The following GRHL2 variants were observed in gnomAD, a reference collection of about 807,000 sequenced individuals.
GRHL2 encodes the protein grainyhead like transcription factor 2.
In GRHL2, 21 loss-of-function variants were observed where a neutral mutation model predicts 83.8. The ratio of observed to expected loss-of-function variants is 0.25; its 90% CI spans 0.18 to 0.36. GRHL2 has a LOEUF of 0.36. GRHL2 is among the 10% of genes least tolerant of loss of function. The pLI is 1.00. For synonymous variants in GRHL2, 280 were observed against 278.9 expected (o/e 1.00, Z -0.04); for missense variants, 623 against 781.8 (o/e 0.80, Z 2.42).
intron 14 of GRHL2, among the ~76,000 whole-genome samples, chr8:101,652,310 G>C (rs1431780453): frequency 7.0e-6 from 1 of 141,940 alleles, no homozygotes; most frequent in African/African-American, 2.8e-5. Context: ...TATATTGGTA[G>C]TGTGTGTGCG....
intron 1 of GRHL2, among the ~76,000 whole-genome samples, chr8:101,500,517 TA>T (rs1431849491): frequency 6.6e-6 from 1 of 152,194 alleles, no homozygotes; most frequent in Non-Finnish European, 1.5e-5. Context: ...TGTATATATA[TA>T]TTTTTTTGAG....
intron 11 of GRHL2, among the ~76,000 whole-genome samples, chr8:101,633,491 C>G (rs1247165314): frequency 1.3e-5 from 2 of 152,142 alleles, no homozygotes; most frequent in Non-Finnish European, 2.9e-5. Context: ...ATTTTGTCCC[C>G]TAGTATTCTG....
intron 1 of GRHL2, among the ~76,000 whole-genome samples, chr8:101,515,760 C>G (rs1266600577): frequency 6.6e-6 from 1 of 152,168 alleles, no homozygotes; most frequent in Non-Finnish European, 1.5e-5. Flanking sequence ...CCATTACAAA[C>G]TCCTCCTGTC....
At chr8:101,520,447 A>G (rs1396172367) in intron 1 of GRHL2, among the ~76,000 whole-genome samples, 1 of 152,202 alleles carries the variant, frequency 6.6e-6, no homozygotes. Context: ...CTCATTATGC[A>G]GAAAGTAATC....
Position 101,666,572 on chromosome 8 carries a change from T to TC in GRHL2, c.1764-11dup, listed in dbSNP as rs768144489. 1 of 1,490,452 alleles carries TC rather than the reference T, an allele frequency of 6.7e-7. No homozygotes were observed. Among genetic ancestry groups the TC allele is most frequent in the Admixed American group, 1.7e-5 (1 of 59,750 alleles). The allele number at this position is 1,490,452 out of a possible 1,614,324, so 92.3% of individuals were successfully genotyped here. A position where few individuals can be genotyped will look rare whatever the true frequency, so the allele number is the denominator to read the frequency against. ...ACGGCGTCTTTGTTTTTCACACCCC[T>TC]CCCCCCTCCATGGCAGCATCTTGGT... On this transcript the variant is annotated splice_polypyrimidine_tract_variant and intron_variant, in intron 15 of 15. Transcript: ENST00000646743.
At chr8:101,625,391 A>T (rs1391840736) in intron 9 of GRHL2, among the ~76,000 whole-genome samples, 2 of 152,010 alleles carry the variant, frequency 1.3e-5, no homozygotes, top group African/African-American at 2.4e-5. Flanking sequence ...TATACAGAGG[A>T]TGTTATATTG....
the GRHL2 span, among the ~76,000 whole-genome samples, chr8:101,675,614 C>T: frequency 5.2e-3 from 796 of 152,150 alleles, 7 homozygotes; most frequent in African/African-American, 0.018. Context: ...GAATCAATAT[C>T]GTGAAAATGG....
chr8:101,498,166 C>T (rs536575453), intron 1 of GRHL2, among the ~76,000 whole-genome samples: 3 of 152,198 alleles, frequency 2.0e-5, no homozygotes, highest in East Asian at 1.9e-4. Context: ...TTGCCCAGGC[C>T]GGAGTGCACT....
chr8:101,647,031 A>G (rs1417630657), intron 13 of GRHL2, among the ~76,000 whole-genome samples: 2 of 152,236 alleles, frequency 1.3e-5, no homozygotes, highest in East Asian at 1.9e-4. Flanking sequence ...ATCATTTCAA[A>G]GACCACGATT....
chr8:101,640,893 C>T (rs890431610), intron 12 of GRHL2, among the ~76,000 whole-genome samples: 8 of 152,202 alleles, frequency 5.3e-5, no homozygotes, highest in Non-Finnish European at 7.3e-5. Context: ...TAAAGGCACA[C>T]CACATACCAT....
At chr8:101,594,650 T>C (rs1812355355) in intron 7 of GRHL2, among the ~76,000 whole-genome samples, 1 of 152,226 alleles carries the variant, frequency 6.6e-6, no homozygotes, top group Admixed American at 6.5e-5. Context: ...CTGTGGAGAC[T>C]GAACACAAAG....
At chr8:101,659,932 G>A (rs1216269471) in intron 14 of GRHL2, among the ~76,000 whole-genome samples, 1 of 152,076 alleles carries the variant, frequency 6.6e-6, no homozygotes, top group Non-Finnish European at 1.5e-5. Context: ...CTAAAGAGAT[G>A]GTGAGCTGCT....
At chr8:101,570,906 C>G (rs950849579) in intron 5 of GRHL2, among the ~76,000 whole-genome samples, 1 of 152,240 alleles carries the variant, frequency 6.6e-6, no homozygotes, top group African/African-American at 2.4e-5. Flanking sequence ...CCCTTGTCAA[C>G]TTTCTCCTGA....
intron 4 of GRHL2, 117 bp from the exon 5 acceptor site, chr8:101,570,222 A>G (rs1811794313): frequency 1.1e-6 from 1 of 886,440 alleles, no homozygotes; most frequent in South Asian, 1.4e-5. Context: ...ACATAATATC[A>G]AATACATAAC....
intron 11 of GRHL2, 88 bp from the exon 12 acceptor site, chr8:101,636,809 T>A (rs1476859650): frequency 8.8e-7 from 1 of 1,140,214 alleles, no homozygotes; most frequent in Non-Finnish European, 1.3e-6. Context: ...AAGAGACAGT[T>A]TATGCCTTAG....
chr8:101,671,792 G>T (rs572056549), downstream of GRHL2, among the ~76,000 whole-genome samples: 4 of 152,306 alleles, frequency 2.6e-5, no homozygotes, highest in South Asian at 8.3e-4. Flanking sequence ...TCCCCTAGTA[G>T]GGGCAGACTG....
At chr8:101,578,524 T>C (rs1811980416) in intron 7 of GRHL2, among the ~76,000 whole-genome samples, 1 of 152,220 alleles carries the variant, frequency 6.6e-6, no homozygotes, top group Non-Finnish European at 1.5e-5. Flanking sequence ...AGTCAGGGAA[T>C]AGATCTTAAA....
At chr8:101,660,268 C>T (rs1031663121) in intron 14 of GRHL2, among the ~76,000 whole-genome samples, 1 of 151,008 alleles carries the variant, frequency 6.6e-6, no homozygotes, top group Non-Finnish European at 1.5e-5. Flanking sequence ...ATCATTATAT[C>T]ATATATCCAT....
Position 101,666,921 on chromosome 8 carries a change from G to A in GRHL2, c.*218G>A, listed in dbSNP as rs1312436092. On this transcript the variant is annotated 3_prime_UTR_variant, in exon 16 of 16. Transcript: ENST00000646743. ...CGGAGCTGAAGCCTGAGCCCCTCAG[G>A]AAGGTGCCTTAGGCCTGTTGGATTC... 2.3e-5 allele frequency: 14 copies of A among 617,608 alleles called. No homozygotes were observed. The highest frequency in any genetic ancestry group is 1.5e-4 in the African/African-American group (8 of 54,522). The allele number at this position is 617,608 out of a possible 1,614,324, so 38.3% of individuals were successfully genotyped here.
Sources: gnomAD v4.1 joint callset for allele counts (sites outside exome capture counted in the v4.1 genomes callset) on GRCh38, gnomAD v4.1.1 for gene constraint, MANE v1.5 for transcripts, NCBI Gene and HGNC (gene_info 2026-07-23, HGNC 2026-07-21) for gene names.